Variants in WASF3 observed in about 807,000 individuals in gnomAD.
WASF3 encodes the protein actin-binding protein WASF3.
A neutral mutation model predicts 46.6 loss-of-function variants in WASF3; 11 were observed. That is an observed-to-expected ratio of 0.24 (90% CI 0.15 to 0.39). The LOEUF is 0.39. WASF3 is among the 10% of genes least tolerant of loss of function. WASF3 has a pLI of 1.00. For synonymous variants in WASF3, 242 were observed against 259.7 expected (o/e 0.93, Z 0.65); for missense variants, 576 against 669.8 (o/e 0.86, Z 1.55).
At chr13:26,659,361 C>G (rs961195676) in intron 3 of WASF3, among the ~76,000 whole-genome samples, 18 of 152,162 alleles carry the variant, frequency 1.2e-4, no homozygotes, top group African/African-American at 4.1e-4. Context: ...GTGGGACATA[C>G]AAGCGAGAGG....
At chr13:26,599,719 T>C (rs1880590795) in intron 1 of WASF3, among the ~76,000 whole-genome samples, 1 of 152,226 alleles carries the variant, frequency 6.6e-6, no homozygotes, top group African/African-American at 2.4e-5. Context: ...AAAACAGCTG[T>C]GGATTACTAC....
rs115730263 is a variant in WASF3, at chr13:26,626,990, T to C, written c.-11+13932T>C. 5.7e-3 allele frequency among the ~76,000 whole-genome samples: 861 copies of C among 151,852 alleles called. 10 individuals carry two copies. The highest frequency in any genetic ancestry group is 0.02 in the African/African-American group (819 of 41,162). Reference sequence around the variant, plus strand: ...CTACCCAGTTTGCTGTAAACACATATAAATGCTGAATAGAGTATAACCAAG... The same window carrying C: ...CTACCCAGTTTGCTGTAAACACATACAAATGCTGAATAGAGTATAACCAAG... On this transcript the variant is annotated intron_variant, in intron 2 of 9. Coordinates refer to ENST00000335327, the MANE Select transcript of WASF3 (RefSeq NM_006646.6).
At chr13:26,668,908 G>A (rs555275073) in intron 5 of WASF3, among the ~76,000 whole-genome samples, 33 of 152,262 alleles carry the variant, frequency 2.2e-4, no homozygotes, top group African/African-American at 7.2e-4. Flanking sequence ...TGTTCAATAG[G>A]CATTTTCCTG....
At chr13:26,546,140 G>A in the WASF3 span, among the ~76,000 whole-genome samples, 1 of 152,142 alleles carries the variant, frequency 6.6e-6, no homozygotes, top group Admixed American at 6.5e-5. Flanking sequence ...GGATCACAAA[G>A]ACAAGGCAGG....
intron 7 of WASF3, among the ~76,000 whole-genome samples, chr13:26,676,950 A>G (rs1450151605): frequency 6.6e-6 from 1 of 152,230 alleles, no homozygotes; most frequent in Non-Finnish European, 1.5e-5. Context: ...TCTCTGACTT[A>G]AAATGTATTG....
chr13:26,657,260 AG>A (rs1449566762), intron 3 of WASF3, among the ~76,000 whole-genome samples: 1 of 152,248 alleles, frequency 6.6e-6, no homozygotes, highest in Non-Finnish European at 1.5e-5. Flanking sequence ...GGTAGAGCGC[AG>A]GTTCTAAATC....
chr13:26,610,341 C>T (rs1192517434), intron 1 of WASF3, among the ~76,000 whole-genome samples: 2 of 152,192 alleles, frequency 1.3e-5, no homozygotes, highest in Non-Finnish European at 2.9e-5. Flanking sequence ...TCTGTGCATC[C>T]GCCATATACA....
intron 1 of WASF3, among the ~76,000 whole-genome samples, chr13:26,565,664 T>TG (rs1329813242): frequency 6.6e-6 from 1 of 152,074 alleles, no homozygotes; most frequent in Non-Finnish European, 1.5e-5. Flanking sequence ...TTTTAATTCT[T>TG]GCTGCAAACA....
chr13:26,684,735 G>A (rs1883349004), intron 9 of WASF3, among the ~76,000 whole-genome samples: 1 of 152,274 alleles, frequency 6.6e-6, no homozygotes, highest in Non-Finnish European at 1.5e-5. Flanking sequence ...GTGTCTGTCT[G>A]TGTAAAGATG....
rs550465419 is a variant in WASF3, at chr13:26,608,181, A to G, written c.-108-4780A>G. ...GTTAGCCCAGAGGTATGGGCCACTC[A>G]TGGATCTTTACAATGCCATATCAGG... On this transcript the variant is annotated intron_variant, in intron 1 of 9. Coordinates refer to ENST00000335327, the MANE Select transcript of WASF3 (RefSeq NM_006646.6). Among the ~76,000 whole-genome samples the G allele has an allele frequency of 5.3e-5, 8 of 152,288 alleles. No individual in the cohort carries two copies. The East Asian group carries it at 1.4e-3, about 26-fold the overall frequency.
chr13:26,585,246 G>T (rs182244171), intron 1 of WASF3, among the ~76,000 whole-genome samples: 2 of 146,190 alleles, frequency 1.4e-5, no homozygotes, highest in South Asian at 2.1e-4. Context: ...AAATCCAGAT[G>T]GTATAGAACT....
intron 1 of WASF3, among the ~76,000 whole-genome samples, chr13:26,568,983 A>G (rs1198938637): frequency 6.6e-6 from 1 of 152,120 alleles, no homozygotes; most frequent in East Asian, 1.9e-4. Flanking sequence ...AAATGATTTT[A>G]TTTTTGGGAC....
intron 3 of WASF3, among the ~76,000 whole-genome samples, chr13:26,648,281 G>A (rs1017649474): frequency 6.6e-6 from 1 of 152,058 alleles, no homozygotes; most frequent in Non-Finnish European, 1.5e-5. Context: ...ATTTTCATGT[G>A]TGGAGTAATT....
chr13:26,617,558 AAT>A (rs1359713063), intron 2 of WASF3, among the ~76,000 whole-genome samples: 1 of 152,176 alleles, frequency 6.6e-6, no homozygotes, highest in Non-Finnish European at 1.5e-5. Context: ...CCTGGGGTTG[AAT>A]TCAGGCACTG....
At chr13:26,667,926 T>A (rs903200299) in intron 5 of WASF3, among the ~76,000 whole-genome samples, 39 of 152,256 alleles carry the variant, frequency 2.6e-4, no homozygotes, top group African/African-American at 9.4e-4. Context: ...TTTTAACTTT[T>A]AGATGTAGCT....
At chr13:26,580,087 A>G (rs1404931421) in intron 1 of WASF3, among the ~76,000 whole-genome samples, 3 of 152,150 alleles carry the variant, frequency 2.0e-5, no homozygotes, top group East Asian at 1.9e-4. Flanking sequence ...GCCCAAGACA[A>G]TTCTTCTTCC....
the WASF3 span, among the ~76,000 whole-genome samples, chr13:26,548,488 C>A: frequency 6.6e-6 from 1 of 152,298 alleles, no homozygotes; most frequent in Non-Finnish European, 1.5e-5. Flanking sequence ...CTCCTTGCCT[C>A]CTTTCTCCTC....
At chr13:26,674,594 C>T (rs1188292454) in intron 6 of WASF3, among the ~76,000 whole-genome samples, 2 of 152,232 alleles carry the variant, frequency 1.3e-5, no homozygotes, top group East Asian at 3.8e-4. Context: ...AGTTGTACTA[C>T]ATATGACTTA....
intron 8 of WASF3, among the ~76,000 whole-genome samples, chr13:26,681,930 C>T (rs1078632): frequency 0.037 from 5,676 of 152,250 alleles, 149 homozygotes; most frequent in African/African-American, 0.078. Flanking sequence ...AGGAAAATTA[C>T]CGTGTGTTGG....
Sources: allele counts gnomAD v4.1 joint callset (sites outside exome capture counted in the v4.1 genomes callset), GRCh38; gene constraint gnomAD v4.1.1; transcripts MANE v1.5; gene names NCBI Gene and HGNC (gene_info 2026-07-23, HGNC 2026-07-21).